Variants in ANKFN1 observed in about 807,000 individuals in gnomAD.
ANKFN1 encodes the protein ankyrin repeat and fibronectin type III domain containing 1.
In ANKFN1, 74 loss-of-function variants were observed where a neutral mutation model predicts 108.7. The ratio of observed to expected loss-of-function variants is 0.68; its 90% confidence interval spans 0.56 to 0.83. ANKFN1 has a LOEUF of 0.83. Among genes scored for constraint, ANKFN1 ranks in the 40% least tolerant of loss-of-function variants. ANKFN1 has a pLI of 0.00. For missense variants in ANKFN1, 1,505 were observed against 1,382.3 expected, an observed-to-expected ratio of 1.09 and a Z score of -1.41; for synonymous variants, 547 against 516.2, an observed-to-expected ratio of 1.06 and a Z score of -0.81.
At chr17:56,433,944 G>A (rs1172490287) in intron 8 of ANKFN1, among the ~76,000 whole-genome samples, 5 of 152,160 alleles carry the variant, frequency 3.3e-5, no homozygotes, top group Admixed American at 2.6e-4. Flanking sequence ...GCTGAGGCAG[G>A]AGAATTGCTT....
chr17:56,322,045 G>A (rs191954426), intron 3 of ANKFN1, among the ~76,000 whole-genome samples: 97 of 152,196 alleles, frequency 6.4e-4, no homozygotes, highest in African/African-American at 2.2e-3. Context: ...TCTTTACCTG[G>A]TGCTAAATGG....
intron 3 of ANKFN1, among the ~76,000 whole-genome samples, chr17:56,274,601 G>C (rs1424995547): frequency 6.6e-6 from 1 of 152,204 alleles, no homozygotes; most frequent in Non-Finnish European, 1.5e-5. Flanking sequence ...AAGTAGCAGA[G>C]AGCGATTGAA....
At chr17:56,464,296 G>A (rs986209399) in intron 14 of ANKFN1, among the ~76,000 whole-genome samples, 3 of 152,104 alleles carry the variant, frequency 2.0e-5, no homozygotes, top group Admixed American at 1.3e-4. Flanking sequence ...AAAGACCACC[G>A]TAGTCAATGT....
At chr17:56,120,644 G>A (rs377319113) in intron 4 of ANKFN1, among the ~76,000 whole-genome samples, 3 of 152,200 alleles carry the variant, frequency 2.0e-5, no homozygotes, top group African/African-American at 4.8e-5. Flanking sequence ...CAATTGATAC[G>A]ATGAGTAATT....
rs201632324 is a variant in ANKFN1 at position 56,055,275 on chromosome 17, A to C, written c.288+8950A>C. Among the ~76,000 whole-genome samples, 6 of 151,558 alleles carry C rather than the reference A, an allele frequency of 4.0e-5. No individual in the cohort carries two copies. The East Asian group carries it at 9.8e-4, about 25-fold the overall frequency. ...GTTCATTATCTCCATCTTTATGTCC[A>C]TGTGTACCCATTGTTTAGTTCCCAC... On this transcript the variant is annotated intron_variant, in intron 4 of 12. Coordinates refer to the ANKFN1 transcript ENST00000635860.
chr17:56,363,520 C>T (rs146747147), intron 6 of ANKFN1, among the ~76,000 whole-genome samples: 23 of 152,178 alleles, frequency 1.5e-4, no homozygotes, highest in Non-Finnish European at 2.8e-4. Flanking sequence ...GGAGTTTCCT[C>T]GAAAAACTAA....
At chr17:56,436,853 AAAG>A (rs1225656473) in intron 8 of ANKFN1, among the ~76,000 whole-genome samples, 1 of 151,880 alleles carries the variant, frequency 6.6e-6, no homozygotes, top group Non-Finnish European at 1.5e-5. Context: ...AAAAAAAAAA[AAAG>A]AATTCCCAGT....
intron 4 of ANKFN1, among the ~76,000 whole-genome samples, chr17:56,082,649 G>T (rs1037491501): frequency 6.6e-6 from 1 of 152,134 alleles, no homozygotes; most frequent in Non-Finnish European, 1.5e-5. Flanking sequence ...CATTCTCTGT[G>T]CATTCATTCA....
chr17:56,057,321 G>A (rs542551021), intron 4 of ANKFN1, among the ~76,000 whole-genome samples: 2 of 152,222 alleles, frequency 1.3e-5, no homozygotes, highest in South Asian at 4.1e-4. Flanking sequence ...TGAATCACAA[G>A]TGTTCTTAAT....
intron 2 of ANKFN1, among the ~76,000 whole-genome samples, chr17:56,214,852 T>A (rs541137798): frequency 2.6e-5 from 4 of 152,308 alleles, no homozygotes; most frequent in African/African-American, 9.6e-5. Flanking sequence ...TGGAAAAAAA[T>A]GGGCTAACAT....
At position 56,326,219 on chromosome 17, in the gene ANKFN1, A is replaced by G; in HGVS notation, c.54-2A>G. 6.2e-7 allele frequency: 1 copy of G among 1,609,046 alleles called. No individual in the cohort carries two copies. Among genetic ancestry groups the G allele is most frequent in the Middle Eastern group, 1.7e-4 (1 of 6,024 alleles). Reference sequence around the variant, plus strand: ...CCTGTTCGCATTTTATTCTTTACACAGAATAGGAAGGAGATTCGCTTGCTT... The same window carrying G: ...CCTGTTCGCATTTTATTCTTTACACGGAATAGGAAGGAGATTCGCTTGCTT... On this transcript the variant is annotated splice_acceptor_variant, in intron 3 of 20. Coordinates refer to ENST00000682825, the MANE Select transcript of ANKFN1 (RefSeq NM_001370326.1). LOFTEE classifies it high-confidence loss of function.
At chr17:56,062,065 T>C (rs1904984080) in intron 4 of ANKFN1, among the ~76,000 whole-genome samples, 1 of 152,208 alleles carries the variant, frequency 6.6e-6, no homozygotes, top group South Asian at 2.1e-4. Flanking sequence ...TAATCCTGAG[T>C]TCTAATTTGA....
At chr17:56,475,795 T>C (rs2050478360) in intron 15 of ANKFN1, among the ~76,000 whole-genome samples, 1 of 152,154 alleles carries the variant, frequency 6.6e-6, no homozygotes, top group African/African-American at 2.4e-5. Context: ...TTAACCCTTG[T>C]TTTTTTGAAA....
chr17:56,073,601 A>G (rs964044488), intron 4 of ANKFN1, among the ~76,000 whole-genome samples: 4 of 152,232 alleles, frequency 2.6e-5, no homozygotes, highest in African/African-American at 4.8e-5. Flanking sequence ...ACCACCACCT[A>G]TGTATAGTTT....
chr17:56,126,901 C>G (rs530114101), intron 4 of ANKFN1, among the ~76,000 whole-genome samples: 1 of 152,144 alleles, frequency 6.6e-6, no homozygotes, highest in Non-Finnish European at 1.5e-5. Context: ...AATAGAAGCT[C>G]TAAATCATGG....
chr17:56,301,071 AG>A (rs2044657149), intron 3 of ANKFN1, among the ~76,000 whole-genome samples: 1 of 152,242 alleles, frequency 6.6e-6, no homozygotes, highest in Non-Finnish European at 1.5e-5. Flanking sequence ...GTTCTCACAA[AG>A]CTTGGTGAAG....
chr17:56,167,284 TATAC>T (rs1395405221), intron 1 of ANKFN1, among the ~76,000 whole-genome samples: 5 of 124,142 alleles, frequency 4.0e-5, no homozygotes, highest in East Asian at 2.6e-4. Flanking sequence ...CATATATATA[TATAC>T]ACACACATAC....
At chr17:56,188,477 A>G (rs1190924460) in intron 1 of ANKFN1, among the ~76,000 whole-genome samples, 1 of 149,370 alleles carries the variant, frequency 6.7e-6, no homozygotes, top group Non-Finnish European at 1.5e-5. Context: ...TTAAATAAGT[A>G]TATGTTTCTT....
chr17:56,351,457 AC>A (rs2046247014), intron 5 of ANKFN1, among the ~76,000 whole-genome samples: 2 of 151,856 alleles, frequency 1.3e-5, no homozygotes, highest in South Asian at 4.1e-4. Context: ...ATAAAAAAAA[AC>A]AACTAGGAAA....
Sources: allele counts gnomAD v4.1 joint callset (sites outside exome capture counted in the v4.1 genomes callset), GRCh38; gene constraint gnomAD v4.1.1; transcripts MANE v1.5; gene names NCBI Gene and HGNC (gene_info 2026-07-23, HGNC 2026-07-21).